Variants in CDH4 observed in about 807,000 individuals in gnomAD.
CDH4 encodes cadherin-4.
CDH4 carries 33 observed loss-of-function variants against 86.0 expected under a neutral mutation model. That is an observed-to-expected ratio of 0.38 (90% confidence interval 0.29 to 0.51). CDH4 has a LOEUF of 0.51. Among genes scored for constraint, CDH4 ranks in the 20% least tolerant of loss-of-function variants. The pLI, the probability that CDH4 is intolerant of heterozygous loss-of-function variation, is 0.86. For synonymous variants in CDH4, 555 were observed against 549.4 expected, an observed-to-expected ratio of 1.01 and a Z score of -0.14; for missense variants, 1,114 against 1,307.4, an observed-to-expected ratio of 0.85 and a Z score of 2.28.
chr20:61,558,418 T>G (rs1255766395), intron 2 of CDH4, among the ~76,000 whole-genome samples: 1 of 151,982 alleles, frequency 6.6e-6, no homozygotes, highest in African/African-American at 2.4e-5. Context: ...GCGGCAAAAG[T>G]GTAGGTAACT....
chr20:61,313,539 G>A lies in CDH4; in HGVS notation c.169+58602G>A, dbSNP rs149975906. Among the ~76,000 whole-genome samples, 26 of 152,338 alleles carry A rather than the reference G, an allele frequency of 1.7e-4. No individual in the cohort carries two copies. In the East Asian group the frequency reaches 4.1e-3, roughly 24 times the overall value. ...TGTCTCACAGTGCATGGACCACTGC[G>A]TGAGAGCAGCGTGGATTTCACGATC... On this transcript the variant is annotated intron_variant, in intron 2 of 15. Coordinates refer to ENST00000614565, the MANE Select transcript of CDH4 (RefSeq NM_001794.5).
chr20:61,718,759 C>G (rs1019220889), intron 2 of CDH4: 1 of 468,714 alleles, frequency 2.1e-6, no homozygotes. Context: ...TAACAGGCCA[C>G]CCTACACCCC....
chr20:61,757,246 CCCCCTCCA>C, intron 3 of CDH4, among the ~76,000 whole-genome samples: 1 of 152,002 alleles, frequency 6.6e-6, no homozygotes, highest in Admixed American at 6.5e-5. Flanking sequence ...CCCCCCCCAG[CCCCCTCCA>C]GGGGGCTCGA....
intron 7 of CDH4, among the ~76,000 whole-genome samples, chr20:61,875,795 T>C (rs996354470): frequency 2.0e-5 from 3 of 152,186 alleles, no homozygotes; most frequent in African/African-American, 7.2e-5. Flanking sequence ...GATGATCCCA[T>C]GGGCACATGG....
chr20:61,310,295 A>G (rs898204695), intron 2 of CDH4, among the ~76,000 whole-genome samples: 3 of 152,164 alleles, frequency 2.0e-5, no homozygotes, highest in Non-Finnish European at 2.9e-5. Flanking sequence ...ATGCTGCCAT[A>G]CTAAGTACCA....
intron 2 of CDH4, among the ~76,000 whole-genome samples, chr20:61,680,879 A>G (rs2087504865): frequency 6.6e-6 from 1 of 152,138 alleles, no homozygotes; most frequent in Non-Finnish European, 1.5e-5. Context: ...GATGGAAGCC[A>G]GGGGTGGCCG....
chr20:61,506,320 C>G (rs575447673), intron 2 of CDH4, among the ~76,000 whole-genome samples: 1 of 152,302 alleles, frequency 6.6e-6, no homozygotes, highest in African/African-American at 2.4e-5. Flanking sequence ...GCCTTAAACT[C>G]GAAACATTAC....
chr20:61,419,802 G>A (rs1379425538), intron 2 of CDH4, among the ~76,000 whole-genome samples: 1 of 152,168 alleles, frequency 6.6e-6, no homozygotes, highest in Non-Finnish European at 1.5e-5. Flanking sequence ...AGGCCATCTG[G>A]ACAGCCCCGT....
At chr20:61,349,000 G>A (rs369994880) in intron 2 of CDH4, among the ~76,000 whole-genome samples, 2 of 152,224 alleles carry the variant, frequency 1.3e-5, no homozygotes, top group South Asian at 4.1e-4. Context: ...AACAGTGGTG[G>A]TGGGAGGGCC....
At chr20:61,905,395 C>T (rs1257199031) in intron 8 of CDH4, among the ~76,000 whole-genome samples, 2 of 152,216 alleles carry the variant, frequency 1.3e-5, no homozygotes, top group Non-Finnish European at 2.9e-5. Context: ...CTCAGAAGGA[C>T]GGGAGTGAGT....
chr20:61,532,746 G>C (rs2085965168), intron 2 of CDH4, among the ~76,000 whole-genome samples: 2 of 152,182 alleles, frequency 1.3e-5, no homozygotes, highest in African/African-American at 4.8e-5. Flanking sequence ...GGTTCTAGGG[G>C]AGATTGGGGA....
chr20:61,787,572 A>T (rs909332957), intron 4 of CDH4, among the ~76,000 whole-genome samples: 1 of 152,316 alleles, frequency 6.6e-6, no homozygotes, highest in Admixed American at 6.5e-5. Flanking sequence ...CAGCGAAACC[A>T]TATCAACCCC....
chr20:61,662,781 G>A (rs1281696603), intron 2 of CDH4, among the ~76,000 whole-genome samples: 5 of 152,298 alleles, frequency 3.3e-5, no homozygotes, highest in Middle Eastern at 3.4e-3. Flanking sequence ...ACCTGTGCAC[G>A]CAAATGGGAG....
chr20:61,727,278 C>T (rs896141129), intron 2 of CDH4, among the ~76,000 whole-genome samples: 19 of 152,078 alleles, frequency 1.2e-4, no homozygotes, highest in Admixed American at 3.3e-4. Context: ...GAGTCATCAT[C>T]ATCAACACTG....
intron 2 of CDH4, among the ~76,000 whole-genome samples, chr20:61,308,993 C>A (rs1311973274): frequency 7.2e-5 from 11 of 152,222 alleles, no homozygotes; most frequent in Non-Finnish European, 1.5e-5. Context: ...TCCTGACAGA[C>A]CTCAGTTGGA....
intron 4 of CDH4, among the ~76,000 whole-genome samples, chr20:61,828,347 A>C (rs995497462): frequency 6.6e-6 from 1 of 152,166 alleles, no homozygotes; most frequent in African/African-American, 2.4e-5. Context: ...TGGCCTCTGG[A>C]TCTTACCACC....
At chr20:61,398,003 G>A (rs1350360261) in intron 2 of CDH4, among the ~76,000 whole-genome samples, 2 of 152,188 alleles carry the variant, frequency 1.3e-5, no homozygotes, top group East Asian at 1.9e-4. Flanking sequence ...GCCGAGCTGC[G>A]TGCCTGGGAA....
chr20:61,846,226 C>T (rs745508945), intron 5 of CDH4, among the ~76,000 whole-genome samples: 2 of 152,230 alleles, frequency 1.3e-5, no homozygotes, highest in South Asian at 2.1e-4. Flanking sequence ...GGAAGGCTCA[C>T]GCCTTGGCTG....
rs2085111907 is a variant in CDH4, at chr20:61,410,452, TCCA to T, written c.169+155516_169+155518del. Reference sequence around the variant, plus strand: ...TTCCTCCCACTGGTCCATCCATCCATCCATCCATCCATCCATCCTCTCACTTGT... The same window carrying T: ...TTCCTCCCACTGGTCCATCCATCCATTCCATCCATCCATCCTCTCACTTGT... On this transcript the variant is annotated intron_variant, in intron 2 of 15. Coordinates refer to ENST00000614565, the MANE Select transcript of CDH4 (RefSeq NM_001794.5). Among the ~76,000 whole-genome samples, 3 of 129,400 alleles carry T rather than the reference TCCA, an allele frequency of 2.3e-5. No individual in the cohort carries two copies. The South Asian group carries it at 1.3e-3, about 54-fold the overall frequency. 84.9% of individuals were successfully genotyped at this position (129,400 alleles called of 152,430 possible).
Sources: gnomAD v4.1 joint callset for allele counts (sites outside exome capture counted in the v4.1 genomes callset) on GRCh38, gnomAD v4.1.1 for gene constraint, MANE v1.5 for transcripts, NCBI Gene and HGNC (gene_info 2026-07-23, HGNC 2026-07-21) for gene names.